CISD1: variants seen among roughly 807,000 people sequenced by gnomAD.
CISD1 encodes CDGSH iron sulfur domain 1, also known as CDGSH iron-sulfur domain-containing protein 1.
A neutral mutation model predicts 12.0 loss-of-function variants in CISD1; 8 were observed. The observed-to-expected ratio is 0.67, with a 90% CI of 0.39 to 1.20. CISD1 has a LOEUF of 1.20. Among genes scored for constraint, CISD1 ranks in the 50% most tolerant of loss-of-function variants. CISD1 has a pLI of 0.01. For synonymous variants in CISD1, 38 were observed against 42.2 expected, an observed-to-expected ratio of 0.90 and a Z score of 0.39; for missense variants, 107 against 132.7, an observed-to-expected ratio of 0.81 and a Z score of 0.95.
At chr10:58,276,688 G>A (rs1249177919) in intron 1 of CISD1, among the ~76,000 whole-genome samples, 1 of 150,016 alleles carries the variant, frequency 6.7e-6, no homozygotes, top group African/African-American at 2.4e-5. Context: ...AAACTCAAAG[G>A]AGTCATTTTG....
intron 1 of CISD1, among the ~76,000 whole-genome samples, chr10:58,271,043 A>ATTTTTT (rs775206917): frequency 7.0e-5 from 9 of 128,754 alleles, no homozygotes; most frequent in Middle Eastern, 3.8e-3. Context: ...TGCCATGACT[A>ATTTTTT]TTTTTTTTTT....
intron 1 of CISD1, chr10:58,273,579 T>C (rs941046074): frequency 7.9e-5 from 12 of 150,976 alleles, no homozygotes; most frequent in African/African-American, 2.9e-4. Context: ...TATACAAGGC[T>C]GATGAGTTTG....
intron 1 of CISD1, among the ~76,000 whole-genome samples, chr10:58,273,090 T>C (rs1358069098): frequency 6.6e-6 from 1 of 152,052 alleles, no homozygotes; most frequent in Non-Finnish European, 1.5e-5. Flanking sequence ...CTGAAGTTTT[T>C]TGTTTGTTTG....
Position 58,278,468 on chromosome 10 carries a change from A to G in CISD1, c.237+1146A>G, listed in dbSNP as rs535078422. ...CTTGAGCCCAGGAGGTTGAGGCTGC[A>G]GTTAGCTGTGATTGCATCACGCTGT... On this transcript the variant is annotated intron_variant, in intron 2 of 2. Coordinates refer to ENST00000333926, the MANE Select transcript of CISD1 (RefSeq NM_018464.5). 1.6e-4 allele frequency among the ~76,000 whole-genome samples: 24 copies of G among 152,302 alleles called. No individual in the cohort carries two copies. In the East Asian group the frequency reaches 2.7e-3, roughly 17 times the overall value.
intron 1 of CISD1, among the ~76,000 whole-genome samples, chr10:58,276,859 A>G (rs1232503927): frequency 6.6e-6 from 1 of 151,864 alleles, no homozygotes; most frequent in Non-Finnish European, 1.5e-5. Flanking sequence ...CTCCAGCTCT[A>G]AAATAATAAT....
intron 2 of CISD1, among the ~76,000 whole-genome samples, chr10:58,279,731 A>G (rs1406566205): frequency 1.3e-5 from 2 of 152,228 alleles, no homozygotes; most frequent in African/African-American, 2.4e-5. Flanking sequence ...ACTATCTACT[A>G]TATATGCATG....
intron 2 of CISD1, among the ~76,000 whole-genome samples, chr10:58,284,301 G>C (rs1839405453): frequency 6.6e-6 from 1 of 150,706 alleles, no homozygotes; most frequent in Non-Finnish European, 1.5e-5. Flanking sequence ...GCACCACTGT[G>C]CAATCTAATT....
At chr10:58,281,502 C>A (rs1457429884) in intron 2 of CISD1, among the ~76,000 whole-genome samples, 2 of 152,168 alleles carry the variant, frequency 1.3e-5, no homozygotes, top group African/African-American at 4.8e-5. Context: ...TTGAATATTA[C>A]CCAAGTTAAC....
intron 1 of CISD1, among the ~76,000 whole-genome samples, chr10:58,272,963 C>T (rs985702829): frequency 3.3e-5 from 5 of 152,002 alleles, no homozygotes; most frequent in African/African-American, 1.2e-4. Context: ...ATAGACTGGC[C>T]AAATTGATGG....
In CISD1 at chr10:58,288,779, AG is replaced by A. The variant is rs1725297199; in HGVS notation, c.*1130del. 1 of 152,308 alleles carries A rather than the reference AG, an allele frequency of 6.6e-6. No individual in the cohort carries two copies. 9.4% of individuals were successfully genotyped at this position (152,308 alleles called of 1,614,324 possible). On this transcript the variant is annotated 3_prime_UTR_variant, in exon 3 of 3. Transcript: ENST00000333926. ...ATTAGGTTTTTGAATTTCATAGGTT[AG>A]AAGGAAAATCATGGCAAAATTTACA... is the stretch of plus-strand genomic sequence containing the variant.
At chr10:58,281,501 A>T (rs1164351774) in intron 2 of CISD1, among the ~76,000 whole-genome samples, 1 of 152,186 alleles carries the variant, frequency 6.6e-6, no homozygotes, top group African/African-American at 2.4e-5. Context: ...TTTGAATATT[A>T]CCCAAGTTAA....
chr10:58,282,020 G>A (rs1839378733), intron 2 of CISD1, among the ~76,000 whole-genome samples: 1 of 150,900 alleles, frequency 6.6e-6, no homozygotes, highest in South Asian at 2.1e-4. Flanking sequence ...GGAGTACAGT[G>A]TCGTGATCTC....
chr10:58,285,877 C>T (rs1220425017), intron 2 of CISD1, among the ~76,000 whole-genome samples: 1 of 152,064 alleles, frequency 6.6e-6, no homozygotes, highest in Non-Finnish European at 1.5e-5. Flanking sequence ...AAAACATTCT[C>T]AAGCTTATCT....
chr10:58,278,058 T>C (rs1430791532), intron 2 of CISD1, among the ~76,000 whole-genome samples: 1 of 152,202 alleles, frequency 6.6e-6, no homozygotes, highest in African/African-American at 2.4e-5. Context: ...TTTTATCAAG[T>C]CCCTTTTGGA....
chr10:58,269,237 G>A lies in CISD1; in HGVS notation c.-37G>A, dbSNP rs201855607. 2 of 1,604,404 alleles carry A rather than the reference G, an allele frequency of 1.2e-6. No homozygotes were observed. The highest frequency in any genetic ancestry group is 1.7e-5 in the Admixed American group (1 of 60,022). On this transcript the variant is annotated 5_prime_UTR_variant, in exon 1 of 3. Coordinates refer to ENST00000333926, the MANE Select transcript of CISD1 (RefSeq NM_018464.5). Reference sequence around the variant, plus strand: ...CGGCCGCGCGAACCCGTTTGAGCTCGGTATCCTAGTGCACACGCCTTGCAA... The same window carrying A: ...CGGCCGCGCGAACCCGTTTGAGCTCAGTATCCTAGTGCACACGCCTTGCAA...
At chr10:58,281,774 A>T (rs2790184) in intron 2 of CISD1, among the ~76,000 whole-genome samples, 51,510 of 152,148 alleles carry the variant, frequency 0.34, 10,970 homozygotes, top group African/African-American at 0.61. Flanking sequence ...ATTCATTCTT[A>T]AGGTGCAGTC....
At chr10:58,287,466 TTTATG>T in intron 2 of CISD1, 90 bp from the exon 3 acceptor site, 1 of 787,114 alleles carries the variant, frequency 1.3e-6, no homozygotes, top group Non-Finnish European at 2.0e-6. Context: ...CAAGAAAATC[TTTATG>T]TTATATGAAT....
intron 2 of CISD1, among the ~76,000 whole-genome samples, 190 bp downstream of exon 2, chr10:58,277,512 C>T (rs1433296350): frequency 6.6e-6 from 1 of 151,774 alleles, no homozygotes; most frequent in African/African-American, 2.4e-5. Context: ...CTCCACCTCC[C>T]GGTTCAAGTG....
intron 1 of CISD1, chr10:58,273,477 G>A (rs958830490): frequency 6.6e-6 from 1 of 151,972 alleles, no homozygotes; most frequent in African/African-American, 2.4e-5. Flanking sequence ...AGCAGAAAAG[G>A]GGCTAAGGTA....
Sources: gnomAD v4.1 joint callset for allele counts (sites outside exome capture counted in the v4.1 genomes callset) on GRCh38, gnomAD v4.1.1 for gene constraint, MANE v1.5 for transcripts, NCBI Gene and HGNC (gene_info 2026-07-23, HGNC 2026-07-21) for gene names.